AKR7A3: variants seen among roughly 807,000 people sequenced by gnomAD.
The protein encoded by AKR7A3 is aldo-keto reductase family 7 member A3.
AKR7A3 carries 37 observed loss-of-function variants against 32.5 expected under a neutral mutation model. The observed-to-expected ratio is 1.14, with a 90% CI of 0.88 to 1.50. The LOEUF (loss-of-function observed/expected upper bound fraction) is 1.50, where lower values mean the gene tolerates loss of function less well. Ranked by LOEUF, AKR7A3 falls within the 40% of genes most tolerant of loss-of-function variation. The probability of loss-of-function intolerance (pLI) is 0.00; values close to 1 mark genes in which losing one functional copy is unlikely to be tolerated. For synonymous variants in AKR7A3, 177 were observed against 188.4 expected (o/e 0.94, Z 0.50); for missense variants, 412 against 453.2 (o/e 0.91, Z 0.83).
chr1:19,283,839 A>T lies in AKR7A3; in HGVS notation c.834+157T>A, dbSNP rs1026550041. ...GAGTGAGACTCTGTCCCCCCAAAAAAAAAACATAGAAAAAGACCAGTGGGA... is the reference window on the plus strand; with the variant it reads ...GAGTGAGACTCTGTCCCCCCAAAAATAAAACATAGAAAAAGACCAGTGGGA... On this transcript the variant is annotated intron_variant, in intron 6 of 6. Coordinates refer to ENST00000361640, the MANE Select transcript of AKR7A3 (RefSeq NM_012067.3). Among the ~76,000 whole-genome samples, 35 of 152,132 alleles carry T rather than the reference A, an allele frequency of 2.3e-4. 1 individual carries two copies. Among genetic ancestry groups the T allele is most frequent in the African/African-American group, 7.7e-4 (32 of 41,376 alleles).
chr1:19,283,249 C>T (rs1213867065), intron 6 of AKR7A3, among the ~76,000 whole-genome samples: 1 of 150,524 alleles, frequency 6.6e-6, no homozygotes, highest in Non-Finnish European at 1.5e-5. Context: ...TATTGAGCAC[C>T]TACTGTATAT....
intron 1 of AKR7A3, among the ~76,000 whole-genome samples, chr1:19,288,242 G>A (rs987448340): frequency 4.6e-5 from 7 of 152,168 alleles, no homozygotes; most frequent in Non-Finnish European, 8.8e-5. Context: ...TCATCCAGGC[G>A]TCAGTGAGGG....
At chr1:19,282,939 A>T (rs1480635932) in intron 6 of AKR7A3, 47 bp from the exon 7 acceptor site, 1 of 1,589,804 alleles carries the variant, frequency 6.3e-7, no homozygotes, top group Middle Eastern at 1.7e-4. Flanking sequence ...CTGCACAGCG[A>T]CTCTACTCAC....
At chr1:19,283,917 A>G in intron 6 of AKR7A3, 79 bp downstream of exon 6, 1 of 1,592,242 alleles carries the variant, frequency 6.3e-7, no homozygotes, top group East Asian at 2.2e-5. Context: ...ATCGATAAAC[A>G]AATGTTTCAG....
In AKR7A3 at chr1:19,284,055, T is replaced by C. The variant is rs772568783; in HGVS notation, c.775A>G (p.Ser259Gly). 6 of 1,613,594 alleles carry C rather than the reference T, an allele frequency of 3.7e-6. No homozygotes were observed. Among genetic ancestry groups the C allele is most frequent in the Non-Finnish European group, 5.1e-6 (6 of 1,179,866 alleles). Residue 259 changes from serine to glycine, a missense_variant, in exon 6 of 7, where the codon AGC becomes GGC. Transcript: ENST00000361640. The stretch of plus-strand genomic sequence containing the variant: ...GTGGCCGAGGTCATGCTGGGGGCGC[T>C]GGCGCCATACGCGGCCTGCAGGGCC... ...EKALQAAYGA[S>G]APSMTSATLR... is the part of the protein sequence containing the mutation.
At chr1:19,275,807 A>G in the AKR7A3 span, among the ~76,000 whole-genome samples, 2 of 151,868 alleles carry the variant, frequency 1.3e-5, no homozygotes, top group African/African-American at 2.4e-5. Flanking sequence ...CCTGTCTCAA[A>G]TCAACAACAA....
downstream of AKR7A3, among the ~76,000 whole-genome samples, chr1:19,279,779 GTTA>G (rs2093716129): frequency 6.6e-6 from 1 of 151,798 alleles, no homozygotes; most frequent in African/African-American, 2.4e-5. Context: ...TATTGATATT[GTTA>G]TTGTTGAATG....
downstream of AKR7A3, among the ~76,000 whole-genome samples, chr1:19,278,420 A>C (rs140040815): frequency 8.2e-4 from 125 of 151,746 alleles, 2 homozygotes; most frequent in African/African-American, 3.0e-3. Flanking sequence ...AATTAGCCAG[A>C]TGTGGTGGCA....
At chr1:19,280,508 C>A (rs558419565), downstream of AKR7A3, among the ~76,000 whole-genome samples, 1 of 151,898 alleles carries the variant, frequency 6.6e-6, no homozygotes, top group East Asian at 1.9e-4. Flanking sequence ...GGAAGGGGTC[C>A]AACTTCATTC....
chr1:19,283,387 G>A (rs151194048), intron 6 of AKR7A3, among the ~76,000 whole-genome samples: 2 of 152,026 alleles, frequency 1.3e-5, no homozygotes, highest in East Asian at 1.9e-4. Flanking sequence ...AGTTAAACCT[G>A]TGTTAAAATG....
downstream of AKR7A3, among the ~76,000 whole-genome samples, chr1:19,281,549 C>T (rs145584461): frequency 3.5e-3 from 529 of 151,876 alleles, 16 homozygotes; most frequent in African/African-American, 0.012. Context: ...GCAGGAGAAT[C>T]ACTTGAACCC....
the AKR7A3 span, among the ~76,000 whole-genome samples, chr1:19,276,721 C>T: frequency 6.6e-6 from 1 of 151,496 alleles, no homozygotes; most frequent in Non-Finnish European, 1.5e-5. Context: ...ATAATCACTT[C>T]AACCTGGGAG....
intron 1 of AKR7A3, among the ~76,000 whole-genome samples, chr1:19,288,067 G>C (rs942612888): frequency 6.6e-6 from 1 of 152,222 alleles, no homozygotes; most frequent in African/African-American, 2.4e-5. Context: ...TCTGATTTTG[G>C]ACTGTGCCAG....
intron 6 of AKR7A3, 37 bp from the exon 7 acceptor site, chr1:19,282,929 C>T (rs773377127): frequency 2.5e-6 from 4 of 1,595,968 alleles, no homozygotes; most frequent in Non-Finnish European, 3.4e-6. Flanking sequence ...CCCTCTTCTG[C>T]TGCACAGCGA....
chr1:19,282,599 T>A lies in AKR7A3; in HGVS notation c.*132A>T. 1.4e-6 allele frequency: 2 copies of A among 1,447,426 alleles called. No homozygotes were observed. The highest frequency in any genetic ancestry group is 1.9e-6 in the Non-Finnish European group (2 of 1,057,898). The allele number at this position is 1,447,426 out of a possible 1,614,324, so 89.7% of individuals were successfully genotyped here. A position where few individuals can be genotyped will look rare whatever the true frequency, so the allele number is the denominator to read the frequency against. On this transcript the variant is annotated 3_prime_UTR_variant, in exon 7 of 7. Coordinates refer to ENST00000361640, the MANE Select transcript of AKR7A3 (RefSeq NM_012067.3). ...GGGAGTTTTATTCTTCATTTGGTGG[T>A]GACTCTTCTATTAGGTTTTTGTCCA...
At chr1:19,275,239 C>A in the AKR7A3 span, among the ~76,000 whole-genome samples, 1 of 151,154 alleles carries the variant, frequency 6.6e-6, no homozygotes, top group African/African-American at 2.4e-5. Flanking sequence ...TGGAGAAACC[C>A]CATCTCTACT....
chr1:19,288,296 A>T (rs1052233795), intron 1 of AKR7A3, among the ~76,000 whole-genome samples, 200 bp downstream of exon 1: 1 of 149,676 alleles, frequency 6.7e-6, no homozygotes, highest in Non-Finnish European at 1.5e-5. Flanking sequence ...ACAGAAGAGA[A>T]GACGAGAGAA....
chr1:19,288,425 C>A (rs866688881), intron 1 of AKR7A3, 71 bp downstream of exon 1: 1 of 1,524,608 alleles, frequency 6.6e-7, no homozygotes, highest in Non-Finnish European at 8.8e-7. Context: ...CCAGGGAGAG[C>A]GGGGCGGTAC....
chr1:19,282,440 AG>A, downstream of AKR7A3: 1 of 464,336 alleles, frequency 2.2e-6, no homozygotes, highest in Non-Finnish European at 3.9e-6. Context: ...GCCCTCACCA[AG>A]AGCAGATGCC....
Sources: allele counts gnomAD v4.1 joint callset (sites outside exome capture counted in the v4.1 genomes callset), GRCh38; gene constraint gnomAD v4.1.1; transcripts MANE v1.5; gene names NCBI Gene and HGNC (gene_info 2026-07-23, HGNC 2026-07-21).